The following KCNQ1 variants were observed in gnomAD, a reference collection of about 807,000 sequenced individuals.
The protein encoded by KCNQ1 is potassium voltage-gated channel subfamily KQT member 1.
In KCNQ1, 49 loss-of-function variants were observed where a neutral mutation model predicts 72.4. The ratio of observed to expected loss-of-function variants is 0.68; its 90% CI spans 0.54 to 0.86. The LOEUF (loss-of-function observed/expected upper bound fraction) is 0.86. KCNQ1 is among the 40% of genes least tolerant of loss of function. The pLI is 0.00. For synonymous variants in KCNQ1, 450 were observed against 412.6 expected, an observed-to-expected ratio of 1.09 and a Z score of -1.10; for missense variants, 790 against 945.1, an observed-to-expected ratio of 0.84 and a Z score of 2.15.
At chr11:2,741,968 C>T (rs950968203) in intron 11 of KCNQ1, among the ~76,000 whole-genome samples, 3 of 152,246 alleles carry the variant, frequency 2.0e-5, no homozygotes, top group African/African-American at 2.4e-5. Flanking sequence ...TGCCCCAGGG[C>T]GGGCTGCCGC....
At chr11:2,523,931 C>A (rs1037562618) in intron 1 of KCNQ1, among the ~76,000 whole-genome samples, 1 of 151,826 alleles carries the variant, frequency 6.6e-6, no homozygotes, top group Non-Finnish European at 1.5e-5. Context: ...GGGGCAGTGG[C>A]GTGGATTCGG....
intron 1 of KCNQ1, among the ~76,000 whole-genome samples, chr11:2,456,082 G>A (rs1261381401): frequency 6.6e-6 from 1 of 152,204 alleles, no homozygotes; most frequent in Non-Finnish European, 1.5e-5. Context: ...GCTCATGCCT[G>A]TAATCCTAGC....
chr11:2,784,968 G>A lies in KCNQ1; in HGVS notation c.1794+6931G>A, dbSNP rs926457807. On this transcript the variant is annotated intron_variant, in intron 15 of 15. Transcript: ENST00000155840. This position sits in a 1 kb window ranked among gnomAD's most constrained non-coding sequence, Gnocchi z 4.7. ...TCTACATATAGGATCATGTCTTGTG[G>A]CAATAAAGACAATTTTTACTTCTTT... Among the ~76,000 whole-genome samples the A allele has an allele frequency of 5.3e-5, 8 of 151,876 alleles. No individual in the cohort carries two copies. Among genetic ancestry groups the A allele is most frequent in the Non-Finnish European group, 8.8e-5 (6 of 67,832 alleles).
intron 1 of KCNQ1, among the ~76,000 whole-genome samples, chr11:2,527,345 C>A (rs907168673): frequency 2.0e-5 from 3 of 152,212 alleles, no homozygotes; most frequent in Admixed American, 6.5e-5. Context: ...ACCACCAACA[C>A]CCCTGCCCTG....
chr11:2,694,990 A>G, intron 11 of KCNQ1: 1 of 398,730 alleles, frequency 2.5e-6, no homozygotes, highest in Non-Finnish European at 4.4e-6. Context: ...AGGCTGGCAG[A>G]GCCAAAGCTC....
At chr11:2,756,981 A>AAAAAAAAAAAAAAAAAAAAAAAAAAC (rs58902386) in intron 11 of KCNQ1, among the ~76,000 whole-genome samples, 1 of 115,178 alleles carries the variant, frequency 8.7e-6, no homozygotes, top group Non-Finnish European at 1.8e-5. Flanking sequence ...AAAAAAAAAA[A>AAAAAAAAAAAAAAAAAAAAAAAAAAC]CCCACAGCTA....
chr11:2,590,875 T>C (rs1848662079), intron 10 of KCNQ1, among the ~76,000 whole-genome samples: 1 of 152,214 alleles, frequency 6.6e-6, no homozygotes, highest in Admixed American at 6.5e-5. Context: ...TTGTGCCAAG[T>C]GGCCAGGGTT....
chr11:2,548,505 C>G (rs1232314089), intron 2 of KCNQ1, among the ~76,000 whole-genome samples: 1 of 152,214 alleles, frequency 6.6e-6, no homozygotes, highest in Non-Finnish European at 1.5e-5. Flanking sequence ...CTTTCTCAGC[C>G]TTGTAGGTGT....
intron 10 of KCNQ1, chr11:2,655,952 G>T (rs1033850803): frequency 2.8e-5 from 11 of 398,582 alleles, no homozygotes; most frequent in Non-Finnish European, 4.4e-5. Flanking sequence ...TCTCTGGCAG[G>T]TGCAGGTCCC....
chr11:2,500,877 G>C (rs1398692411), intron 1 of KCNQ1, among the ~76,000 whole-genome samples: 2 of 127,250 alleles, frequency 1.6e-5, no homozygotes, highest in African/African-American at 6.1e-5. Flanking sequence ...TCTGTTGGGG[G>C]GTGGGGGCAA....
chr11:2,512,091 G>A (rs527779674), intron 1 of KCNQ1, among the ~76,000 whole-genome samples: 1 of 152,226 alleles, frequency 6.6e-6, no homozygotes, highest in Non-Finnish European at 1.5e-5. Context: ...TCATCCCAGG[G>A]TTAGGTGCCT....
chr11:2,684,685 C>A (rs1005811900), intron 11 of KCNQ1: 1 of 398,468 alleles, frequency 2.5e-6, no homozygotes, highest in Admixed American at 4.4e-5. Flanking sequence ...AGCTAGTGGC[C>A]AACTGAGCAC....
At chr11:2,472,356 G>A (rs1182164243) in intron 1 of KCNQ1, among the ~76,000 whole-genome samples, 1 of 151,386 alleles carries the variant, frequency 6.6e-6, no homozygotes, top group Non-Finnish European at 1.5e-5. Flanking sequence ...GTTTGTGGGT[G>A]TGTGTGTACC....
chr11:2,786,979 T>C (rs1846927653), intron 15 of KCNQ1, among the ~76,000 whole-genome samples: 1 of 150,780 alleles, frequency 6.6e-6, no homozygotes, highest in South Asian at 2.1e-4. Flanking sequence ...TGTAAACTTA[T>C]ATATCTTAAA....
intron 11 of KCNQ1, among the ~76,000 whole-genome samples, chr11:2,760,554 G>A (rs964070277): frequency 6.6e-6 from 1 of 152,164 alleles, no homozygotes; most frequent in African/African-American, 2.4e-5. Context: ...GTGCGGGCAG[G>A]GAGAGGGTCC....
chr11:2,722,803 C>T (rs1845691366), intron 11 of KCNQ1, among the ~76,000 whole-genome samples: 1 of 152,152 alleles, frequency 6.6e-6, no homozygotes, highest in Non-Finnish European at 1.5e-5. Flanking sequence ...CCCTCCTTCC[C>T]TCTACCCCAC....
chr11:2,838,751 C>T (rs2532995), intron 15 of KCNQ1, among the ~76,000 whole-genome samples: 1 of 152,144 alleles, frequency 6.6e-6, no homozygotes, highest in South Asian at 2.1e-4. Flanking sequence ...CGTGGCCGGG[C>T]TGGGGTTTGG....
In KCNQ1 at chr11:2,495,202, T is replaced by C. The variant is rs906697993; in HGVS notation, c.387-32726T>C. 1.3e-5 allele frequency among the ~76,000 whole-genome samples: 2 copies of C among 152,194 alleles called. No homozygotes were observed. The highest frequency in any genetic ancestry group is 2.9e-5 in the Non-Finnish European group (2 of 68,026). On this transcript the variant is annotated intron_variant, in intron 1 of 15. Transcript: ENST00000155840. The surrounding 1 kb of genome is among the most constrained non-coding windows in gnomAD (Gnocchi z 4.6). ...TGGTGATATCCCCTTTATCATTTTT[T>C]ATTGCATCTATTTGATTCTTCTCTC...
intron 11 of KCNQ1, among the ~76,000 whole-genome samples, chr11:2,707,061 G>C (rs1850923765): frequency 6.6e-6 from 1 of 152,204 alleles, no homozygotes; most frequent in Admixed American, 6.5e-5. Context: ...CACCCACAAG[G>C]ACCAGGAGCG....
Sources: gnomAD v4.1 joint callset for allele counts (sites outside exome capture counted in the v4.1 genomes callset) on GRCh38, gnomAD v4.1.1 for gene constraint, Gnocchi (gnomAD v3.1) non-coding constraint, MANE v1.5 for transcripts, NCBI Gene and HGNC (gene_info 2026-07-23, HGNC 2026-07-21) for gene names.